Variants in LRRC51 observed in about 807,000 individuals in gnomAD.
LRRC51 encodes the protein leucine-rich repeat-containing protein 51.
Under a neutral mutation model 17.8 loss-of-function variants are expected in LRRC51, and 8 were observed. The ratio of observed to expected loss-of-function variants is 0.45; its 90% confidence interval spans 0.26 to 0.81. The LOEUF is 0.81. LRRC51 is among the 30% of genes least tolerant of loss of function. The pLI, the probability that LRRC51 is intolerant of heterozygous loss-of-function variation, is 0.17. For synonymous variants in LRRC51, 92 were observed against 96.0 expected, an observed-to-expected ratio of 0.96 and a Z score of 0.24; for missense variants, 233 against 239.3, an observed-to-expected ratio of 0.97 and a Z score of 0.17.
rs764378254 is a variant in LRRC51, at chr11:72,094,781, A to C, written c.289-167A>C. On this transcript the variant is annotated intron_variant, in intron 4 of 5. Transcript: ENST00000289488. Reference sequence around the variant, plus strand: ...TTCAGTGTGATGCCCTGTATGTCTTAAAACATAAATAAAAGTAGGTTACAG... The same window carrying C: ...TTCAGTGTGATGCCCTGTATGTCTTCAAACATAAATAAAAGTAGGTTACAG... 1.7e-5 allele frequency: 23 copies of C among 1,330,326 alleles called. No individual in the cohort carries two copies. In the East Asian group the frequency reaches 4.7e-4, roughly 27 times the overall value. 82.4% of individuals were successfully genotyped at this position (1,330,326 alleles called of 1,614,324 possible). A position where few individuals can be genotyped will look rare whatever the true frequency, so the allele number is the denominator to read the frequency against.
rs1297113434 is a variant in LRRC51 at position 72,089,067 on chromosome 11, G to C, written c.-17G>C. ...TCCCAGGGCACCTGCTTGCACCTTTGAATGATGGCCTGAACTATGAACAAA... is the reference window on the plus strand; with the variant it reads ...TCCCAGGGCACCTGCTTGCACCTTTCAATGATGGCCTGAACTATGAACAAA... On this transcript the variant is annotated 5_prime_UTR_variant, in exon 3 of 6. The change abolishes the stop of an existing upstream ORF in the 5' untranslated region. Transcript: ENST00000289488. 6.2e-7 allele frequency: 1 copy of C among 1,613,390 alleles called. No individual in the cohort carries two copies.
At chr11:72,088,999 T>C (rs1944699114) in intron 2 of LRRC51, 30 bp from the exon 3 acceptor site, 1 of 1,608,936 alleles carries the variant, frequency 6.2e-7, no homozygotes, top group Non-Finnish European at 8.5e-7. Flanking sequence ...CCGGTGTACT[T>C]GAAACACTGG....
intron 4 of LRRC51, chr11:72,094,618 T>TTGC: frequency 1.5e-6 from 1 of 677,266 alleles, no homozygotes; most frequent in African/African-American, 1.8e-5. Flanking sequence ...TGTCTTCCTG[T>TTGC]TGCTTGCTGT....
chr11:72,091,406 A>T (rs1212390101), intron 3 of LRRC51, among the ~76,000 whole-genome samples: 1 of 151,750 alleles, frequency 6.6e-6, no homozygotes, highest in African/African-American at 2.4e-5. Flanking sequence ...GGTCCTGCTC[A>T]CTCTAGGATT....
At chr11:72,094,725 C>T (rs1385727113) in intron 4 of LRRC51, 6 of 879,406 alleles carry the variant, frequency 6.8e-6, no homozygotes, top group Middle Eastern at 2.1e-4. Flanking sequence ...TACCCAGGCC[C>T]ACACTCCTGA....
chr11:72,095,271 T>C lies in LRRC51; in HGVS notation c.438-108T>C, dbSNP rs547553873. 4 of 1,601,768 alleles carry C rather than the reference T, an allele frequency of 2.5e-6. No individual in the cohort carries two copies. In the African/African-American group the frequency reaches 4.0e-5, roughly 16 times the overall value. ...GATAAACCTAATCTTTCCCAAACTATGCTCAAGTCCCTCCATTCCTTGCAG... is the reference window on the plus strand; with the variant it reads ...GATAAACCTAATCTTTCCCAAACTACGCTCAAGTCCCTCCATTCCTTGCAG... On this transcript the variant is annotated intron_variant, in intron 5 of 5. Transcript: ENST00000289488.
chr11:72,093,077 A>G (rs1284683654), intron 3 of LRRC51, among the ~76,000 whole-genome samples: 1 of 152,244 alleles, frequency 6.6e-6, no homozygotes, highest in Non-Finnish European at 1.5e-5. Context: ...ACATTCATGG[A>G]AAGAGAGACA....
intron 2 of LRRC51, 158 bp from the exon 3 acceptor site, chr11:72,088,871 T>C: frequency 1.3e-6 from 1 of 795,910 alleles, no homozygotes. Context: ...AAGTGCTCTA[T>C]ACATGCAAGG....
intron 3 of LRRC51, among the ~76,000 whole-genome samples, chr11:72,092,079 G>T (rs1432997046): frequency 6.6e-6 from 1 of 152,088 alleles, no homozygotes; most frequent in Non-Finnish European, 1.5e-5. Flanking sequence ...GATTTTCCCT[G>T]ATCATTTAAC....
At chr11:72,088,745 C>A in intron 2 of LRRC51, 1 of 513,126 alleles carries the variant, frequency 1.9e-6, no homozygotes, top group Non-Finnish European at 3.5e-6. Context: ...TAACTCTGGG[C>A]AAGTCCTTTT....
Position 72,084,891 on chromosome 11 carries a change from TGTGTGTGTGTGTG to T in LRRC51, c.-139-3405_-139-3393del, listed in dbSNP as rs1944446117. ...GTGTGTGTGTGTGTGTGTGTGTGTG[TGTGTGTGTGTGTG>T]TAAAACCTTATTAGCTATACATTCT... is the stretch of plus-strand genomic sequence containing the variant. On this transcript the variant is annotated intron_variant, in intron 1 of 5. Transcript: ENST00000289488. Among the ~76,000 whole-genome samples, 4 of 116,376 alleles carry T rather than the reference TGTGTGTGTGTGTG, an allele frequency of 3.4e-5. No homozygotes were observed. The East Asian group carries it at 9.2e-4, about 27-fold the overall frequency. The allele number at this position is 116,376 out of a possible 152,430, so 76.3% of individuals were successfully genotyped here.
chr11:72,086,447 G>A, intron 1 of LRRC51: 2 of 702,286 alleles, frequency 2.8e-6, no homozygotes, highest in South Asian at 1.5e-5. Context: ...AGCTGAACCT[G>A]GGAACCAATT....
chr11:72,082,465 C>G (rs1455075638), intron 1 of LRRC51, among the ~76,000 whole-genome samples: 1 of 152,102 alleles, frequency 6.6e-6, no homozygotes, highest in African/African-American at 2.4e-5. Context: ...TCAAGCCCAG[C>G]CCTCATCTCT....
Position 72,083,684 on chromosome 11 carries a change from T to A in LRRC51, c.-140+2799T>A, listed in dbSNP as rs141606472. 9 of 152,270 alleles carry A rather than the reference T, an allele frequency of 5.9e-5. No homozygotes were observed. In the East Asian group the frequency reaches 1.5e-3, roughly 26 times the overall value. The allele number at this position is 152,270 out of a possible 1,614,324, so 9.4% of individuals were successfully genotyped here. On this transcript the variant is annotated intron_variant, in intron 1 of 5. Transcript: ENST00000289488. Reference sequence around the variant, plus strand: ...AATCATAGCACTACAATTACAGATTTGAGGATAAAGGTAGACTTCTCAGAA... The same window carrying A: ...AATCATAGCACTACAATTACAGATTAGAGGATAAAGGTAGACTTCTCAGAA...
At chr11:72,083,582 T>C (rs1944365578) in intron 1 of LRRC51, among the ~76,000 whole-genome samples, 1 of 152,142 alleles carries the variant, frequency 6.6e-6, no homozygotes, top group South Asian at 2.1e-4. Context: ...AGAAAAAATA[T>C]GGTTTCTGCC....
In LRRC51 at chr11:72,096,146, G is replaced by C. The variant is rs1199348919; in HGVS notation, c.*626G>C. The C allele has an allele frequency of 6.1e-6, 1 of 163,880 alleles. No individual in the cohort carries two copies. The highest frequency in any genetic ancestry group is 1.6e-4 in the South Asian group (1 of 6,400). The allele number at this position is 163,880 out of a possible 1,614,324, so 10.2% of individuals were successfully genotyped here. A position where few individuals can be genotyped will look rare whatever the true frequency, so the allele number is the denominator to read the frequency against. ...GCCTCCCAAGTAGCTGGGACTATAG[G>C]CACCTACTACCACGCCTGGCTAATT... On this transcript the variant is annotated 3_prime_UTR_variant, in exon 6 of 6. Coordinates refer to ENST00000289488, the MANE Select transcript of LRRC51 (RefSeq NM_145309.6).
intron 4 of LRRC51, 103 bp downstream of exon 4, chr11:72,093,804 G>C: frequency 9.1e-7 from 1 of 1,103,462 alleles, no homozygotes; most frequent in Non-Finnish European, 1.4e-6. Flanking sequence ...TAATGAGGCA[G>C]CATGGTACAG....
intron 3 of LRRC51, chr11:72,089,386 A>C: frequency 6.8e-7 from 1 of 1,467,322 alleles, no homozygotes; most frequent in Non-Finnish European, 9.1e-7. Context: ...GATCCTAAGA[A>C]CATGTGCCCC....
At chr11:72,089,322 G>GA in intron 3 of LRRC51, 157 bp downstream of exon 3, 1 of 1,501,282 alleles carries the variant, frequency 6.7e-7, no homozygotes, top group Non-Finnish European at 9.0e-7. Context: ...GAGAGTGAGA[G>GA]GTTTTTTTCT....
Sources: gnomAD v4.1 joint callset for allele counts (sites outside exome capture counted in the v4.1 genomes callset) on GRCh38, gnomAD v4.1.1 for gene constraint, MANE v1.5 for transcripts, NCBI Gene and HGNC (gene_info 2026-07-23, HGNC 2026-07-21) for gene names.